Variants in TSPAN9 observed in about 807,000 individuals in gnomAD.
TSPAN9 encodes tetraspanin-9.
Under a neutral mutation model 31.0 loss-of-function variants are expected in TSPAN9, and 16 were observed. The ratio of observed to expected loss-of-function variants is 0.52; its 90% confidence interval spans 0.35 to 0.78. The LOEUF (loss-of-function observed/expected upper bound fraction) is 0.78, where lower values mean the gene tolerates loss of function less well. TSPAN9 is among the 30% of genes least tolerant of loss of function. The pLI is 0.01. For synonymous variants in TSPAN9, 145 were observed against 121.6 expected, an observed-to-expected ratio of 1.19 and a Z score of -1.27; for missense variants, 272 against 312.5, an observed-to-expected ratio of 0.87 and a Z score of 0.98.
At chr12:3,258,758 G>C (rs1248461234) in intron 3 of TSPAN9, among the ~76,000 whole-genome samples, 1 of 152,138 alleles carries the variant, frequency 6.6e-6, no homozygotes, top group Non-Finnish European at 1.5e-5. Context: ...ATGGTGGGTT[G>C]ACCTGGGGCC....
At chr12:3,175,594 G>A (rs1285992269) in intron 2 of TSPAN9, among the ~76,000 whole-genome samples, 1 of 142,612 alleles carries the variant, frequency 7.0e-6, no homozygotes, top group Non-Finnish European at 1.5e-5. Flanking sequence ...AGCAAGAGCT[G>A]CACTTCCCAG....
At chr12:3,109,319 T>A (rs1346373760) in intron 2 of TSPAN9, among the ~76,000 whole-genome samples, 3 of 133,656 alleles carry the variant, frequency 2.2e-5, no homozygotes, top group Non-Finnish European at 4.7e-5. Flanking sequence ...TGTGTGTGTG[T>A]GTGTGTGTTT....
At chr12:3,282,352 A>G (rs1167496784) in intron 8 of TSPAN9, among the ~76,000 whole-genome samples, 1 of 152,116 alleles carries the variant, frequency 6.6e-6, no homozygotes, top group Non-Finnish European at 1.5e-5. Context: ...ACATCGCACC[A>G]TGTGTTCCAC....
At chr12:3,175,053 T>C (rs1195017350) in intron 2 of TSPAN9, among the ~76,000 whole-genome samples, 6 of 152,110 alleles carry the variant, frequency 3.9e-5, no homozygotes, top group Non-Finnish European at 1.5e-5. Context: ...CTCTGCGCCT[T>C]GTGTGATATG....
chr12:3,175,782 T>A (rs2098355211), intron 2 of TSPAN9, among the ~76,000 whole-genome samples: 1 of 152,202 alleles, frequency 6.6e-6, no homozygotes, highest in Admixed American at 6.5e-5. Flanking sequence ...GGGACCGGCA[T>A]CGCACCACTG....
At chr12:3,268,685 TGTTCCTGCAGCCTGCCCTCCGTGC>T (rs1565639537) in intron 3 of TSPAN9, among the ~76,000 whole-genome samples, 38 of 88,570 alleles carry the variant, frequency 4.3e-4, no homozygotes, top group African/African-American at 1.2e-3. Flanking sequence ...GCCCTCTCTG[TGTTCCTGCAGCCTGCCCTCCGTGC>T]GTTCCTGCAG....
At chr12:3,155,770 A>G (rs1362311313) in intron 2 of TSPAN9, among the ~76,000 whole-genome samples, 5 of 152,150 alleles carry the variant, frequency 3.3e-5, no homozygotes, top group African/African-American at 9.7e-5. Context: ...CCCATCACGC[A>G]GTGAGGAAAA....
intron 2 of TSPAN9, among the ~76,000 whole-genome samples, chr12:3,149,198 C>T (rs1474385744): frequency 2.0e-5 from 3 of 152,198 alleles, no homozygotes; most frequent in Admixed American, 1.3e-4. Context: ...CCTCACCTGC[C>T]TCCAGGGTAG....
intron 2 of TSPAN9, among the ~76,000 whole-genome samples, chr12:3,105,473 A>C (rs2098313860): frequency 6.7e-6 from 1 of 149,056 alleles, no homozygotes; most frequent in Admixed American, 6.7e-5. Flanking sequence ...AATTGGGGTC[A>C]GAGAGTAAGG....
chr12:3,180,440 G>A (rs1467149897), intron 2 of TSPAN9, among the ~76,000 whole-genome samples: 1 of 151,694 alleles, frequency 6.6e-6, no homozygotes, highest in Non-Finnish European at 1.5e-5. Flanking sequence ...TTGTACCACT[G>A]CACTCCAGCC....
chr12:3,242,413 A>G (rs2098397034), intron 3 of TSPAN9, among the ~76,000 whole-genome samples: 1 of 152,208 alleles, frequency 6.6e-6, no homozygotes, highest in Admixed American at 6.5e-5. Context: ...CCTCTAGCCA[A>G]CAGCAAGCAC....
chr12:3,188,623 G>A (rs2098362757), intron 2 of TSPAN9, among the ~76,000 whole-genome samples: 1 of 152,204 alleles, frequency 6.6e-6, no homozygotes, highest in Non-Finnish European at 1.5e-5. Context: ...GGATGTGGAA[G>A]CGCCTCTTGG....
intron 3 of TSPAN9, among the ~76,000 whole-genome samples, chr12:3,218,122 C>T (rs1475432767): frequency 6.6e-6 from 1 of 152,104 alleles, no homozygotes; most frequent in African/African-American, 2.4e-5. Flanking sequence ...TTTGGGTGTG[C>T]ATGCCTGCGT....
At chr12:3,086,720 A>G (rs891919979) in intron 2 of TSPAN9, among the ~76,000 whole-genome samples, 1 of 152,240 alleles carries the variant, frequency 6.6e-6, no homozygotes, top group Non-Finnish European at 1.5e-5. Flanking sequence ...TTAGTAGCTT[A>G]GGATTGCTGC....
At position 3,283,151 on chromosome 12, in the gene TSPAN9, G is replaced by T; in HGVS notation, c.*35G>T. On this transcript the variant is annotated 3_prime_UTR_variant, in exon 9 of 9. Coordinates refer to ENST00000011898, the MANE Select transcript of TSPAN9 (RefSeq NM_006675.5). Reference sequence around the variant, plus strand: ...CCGGGAGTGCCCACCCCGCCCTGCTGCCCTGTGGAGGGAAGAGGATTGAGC... The same window carrying T: ...CCGGGAGTGCCCACCCCGCCCTGCTTCCCTGTGGAGGGAAGAGGATTGAGC... 1.9e-6 allele frequency: 3 copies of T among 1,599,700 alleles called. No individual in the cohort carries two copies. Among genetic ancestry groups the T allele is most frequent in the Non-Finnish European group, 2.6e-6 (3 of 1,176,254 alleles).
chr12:3,230,225 C>G (rs1192901243), intron 3 of TSPAN9, among the ~76,000 whole-genome samples: 1 of 152,128 alleles, frequency 6.6e-6, no homozygotes, highest in African/African-American at 2.4e-5. Context: ...AAGGCCGGTG[C>G]CGGTTATAGG....
In TSPAN9 at chr12:3,280,763, C is replaced by T. The variant is rs1862878396; in HGVS notation, c.432+280C>T. The stretch of plus-strand genomic sequence containing the variant: ...GAATTTATTTTAGCAACAGATTTGC[C>T]TCCATGATGGGGCTTGGCTTAGGTG... On this transcript the variant is annotated intron_variant, in intron 6 of 8. Coordinates refer to ENST00000011898, the MANE Select transcript of TSPAN9 (RefSeq NM_006675.5). The surrounding 1 kb of genome is among the most constrained non-coding windows in gnomAD (Gnocchi z 4.5). 6.6e-6 allele frequency among the ~76,000 whole-genome samples: 1 copy of T among 152,222 alleles called. No individual in the cohort carries two copies. The highest frequency in any genetic ancestry group is 2.4e-5 in the African/African-American group (1 of 41,450).
intron 2 of TSPAN9, among the ~76,000 whole-genome samples, chr12:3,171,166 C>T (rs1412174749): frequency 6.6e-6 from 1 of 152,088 alleles, no homozygotes; most frequent in African/African-American, 2.4e-5. Context: ...AGCAGCTGCC[C>T]CTGCCCAGTC....
chr12:3,138,898 C>T (rs1401626184), intron 2 of TSPAN9, among the ~76,000 whole-genome samples: 2 of 152,176 alleles, frequency 1.3e-5, no homozygotes, highest in Non-Finnish European at 2.9e-5. Context: ...GGGTCCTGGA[C>T]CCTGTTCTCC....
Sources: gnomAD v4.1 joint callset for allele counts (sites outside exome capture counted in the v4.1 genomes callset) on GRCh38, gnomAD v4.1.1 for gene constraint, Gnocchi (gnomAD v3.1) non-coding constraint, MANE v1.5 for transcripts, NCBI Gene and HGNC (gene_info 2026-07-23, HGNC 2026-07-21) for gene names.